The following KIF5C variants were observed in gnomAD, a reference collection of about 807,000 sequenced individuals.
The protein encoded by KIF5C is kinesin heavy chain isoform 5C.
KIF5C carries 18 observed loss-of-function variants against 125.2 expected under a neutral mutation model. That is an observed-to-expected ratio of 0.14 (90% confidence interval 0.10 to 0.21). The LOEUF is 0.21. Ranked by LOEUF, KIF5C falls within the 10% of genes least tolerant of loss-of-function variation. KIF5C has a pLI of 1.00. For synonymous variants in KIF5C, 405 were observed against 434.0 expected, an observed-to-expected ratio of 0.93 and a Z score of 0.83; for missense variants, 780 against 1,183.8, an observed-to-expected ratio of 0.66 and a Z score of 5.01.
intron 11 of KIF5C, among the ~76,000 whole-genome samples, chr2:148,965,319 A>AAG (rs1683024132): frequency 6.6e-6 from 1 of 152,128 alleles, no homozygotes; most frequent in South Asian, 2.1e-4. Context: ...ACAGAGAAAG[A>AAG]AGAGAAGACA....
In KIF5C at chr2:149,005,474, C is replaced by G. The variant is rs1433563370; in HGVS notation, c.2445+10C>G. ...CACCCGAGTTAAAAAAGTGAGTTCT[C>G]TTTGTCTGAATGGGACTGAGAAGAA... is the stretch of plus-strand genomic sequence containing the variant. On this transcript the variant is annotated intron_variant, in intron 22 of 25. Transcript: ENST00000435030. The G allele has an allele frequency of 2.2e-5, 35 of 1,613,088 alleles. No homozygotes were observed. The highest frequency in any genetic ancestry group is 3.0e-5 in the Non-Finnish European group (35 of 1,179,634).
intron 1 of KIF5C, among the ~76,000 whole-genome samples, chr2:148,887,068 G>C (rs1430581004): frequency 6.6e-6 from 1 of 152,126 alleles, no homozygotes; most frequent in Non-Finnish European, 1.5e-5. Flanking sequence ...TGTAATGTAG[G>C]TAGTCAAATT....
At chr2:149,005,523 C>A in intron 22 of KIF5C, 59 bp downstream of exon 22, 2 of 1,591,204 alleles carry the variant, frequency 1.3e-6, no homozygotes, top group South Asian at 2.3e-5. Context: ...AGGGAAGAAT[C>A]ATTTTCAGTT....
rs10577971 is a variant in KIF5C, at chr2:149,024,515, AGTGTGTGTGTGTGTGTGTGTGT to A, written c.*1470_*1491del. 3.9e-5 allele frequency: 5 copies of A among 128,630 alleles called. No homozygotes were observed. The highest frequency in any genetic ancestry group is 2.8e-4 in the South Asian group (1 of 3,592). 8.0% of individuals were successfully genotyped at this position (128,630 alleles called of 1,614,324 possible). A position where few individuals can be genotyped will look rare whatever the true frequency, so the allele number is the denominator to read the frequency against. On this transcript the variant is annotated 3_prime_UTR_variant, in exon 26 of 26. Transcript: ENST00000435030. ...GACTGTGTGGGTCGAAGGTAGCTCAAGTGTGTGTGTGTGTGTGTGTGTGTGTGTGTGTGTGTGTGTGTGTGTA... is the reference window on the plus strand; with the variant it reads ...GACTGTGTGGGTCGAAGGTAGCTCAAGTGTGTGTGTGTGTGTGTGTGTGTA...
chr2:148,898,111 G>A (rs1458602078), intron 1 of KIF5C, among the ~76,000 whole-genome samples: 1 of 151,780 alleles, frequency 6.6e-6, no homozygotes, highest in Non-Finnish European at 1.5e-5. Context: ...ATCACTGTGG[G>A]AAGTCCTGTC....
Position 148,937,407 on chromosome 2 carries a change from T to A in KIF5C, c.396+19T>A. On this transcript the variant is annotated intron_variant, in intron 4 of 25. Transcript: ENST00000435030. ...CATAAAGGTACGTATTACTGATTGG[T>A]CCCCAGAGAAGACACTGGGCCCCAG... 11 of 1,565,796 alleles carry A rather than the reference T, an allele frequency of 7.0e-6. No individual in the cohort carries two copies. Among genetic ancestry groups the A allele is most frequent in the Non-Finnish European group, 9.5e-6 (11 of 1,154,252 alleles).
At chr2:149,013,514 T>C (rs1241646138) in intron 25 of KIF5C, among the ~76,000 whole-genome samples, 1 of 152,082 alleles carries the variant, frequency 6.6e-6, no homozygotes, top group African/African-American at 2.4e-5. Context: ...CAAAGAAAGG[T>C]AATGCTTTTA....
rs544829338 is a variant in KIF5C, at chr2:148,913,717, G to A, written c.127-8420G>A. ...TGTCGAGCGGCAGTTTGACCGGATG[G>A]TACTGCACTGTGCCAGGAAGCCCCA... On this transcript the variant is annotated intron_variant, in intron 1 of 25. Transcript: ENST00000435030. 2.8e-4 allele frequency among the ~76,000 whole-genome samples: 42 copies of A among 152,288 alleles called. No homozygotes were observed. The South Asian group carries it at 7.7e-3, about 28-fold the overall frequency.
intron 15 of KIF5C, 55 bp downstream of exon 15, chr2:148,983,821 CTG>C (rs2105162377): frequency 1.3e-6 from 2 of 1,496,776 alleles, no homozygotes; most frequent in African/African-American, 1.4e-5. Context: ...TTAGTAGGGT[CTG>C]TGCTTTACTC....
At chr2:149,018,564 C>G (rs958921507) in intron 25 of KIF5C, among the ~76,000 whole-genome samples, 1 of 152,182 alleles carries the variant, frequency 6.6e-6, no homozygotes, top group Non-Finnish European at 1.5e-5. Context: ...TATGGTGGCT[C>G]ACGCCTATAA....
chr2:148,985,834 G>C (rs1681368692), intron 15 of KIF5C, among the ~76,000 whole-genome samples: 1 of 152,178 alleles, frequency 6.6e-6, no homozygotes, highest in Non-Finnish European at 1.5e-5. Flanking sequence ...TCCCAGCTTA[G>C]AGTACATGAC....
intron 23 of KIF5C, 117 bp from the exon 24 acceptor site, chr2:149,010,018 C>A: frequency 7.0e-7 from 1 of 1,431,390 alleles, no homozygotes; most frequent in Non-Finnish European, 9.2e-7. Context: ...GTACGGAGTG[C>A]CAAGGACAAC....
intron 25 of KIF5C, among the ~76,000 whole-genome samples, chr2:149,013,629 AC>A (rs1255827394): frequency 6.6e-6 from 1 of 152,146 alleles, no homozygotes; most frequent in African/African-American, 2.4e-5. Context: ...TATAGGCATC[AC>A]CTCATTTGAT....
In KIF5C at chr2:148,962,219, G is replaced by T. The variant is rs550675928; in HGVS notation, c.1117+100G>T. The T allele has an allele frequency of 2.1e-6, 3 of 1,449,594 alleles. No homozygotes were observed. The East Asian group carries it at 7.5e-5, about 36-fold the overall frequency. The allele number at this position is 1,449,594 out of a possible 1,614,324, so 89.8% of individuals were successfully genotyped here. ...CTCTCTCTGTCACTCAGGCTGGAGT[G>T]CAGTGGCGTGATCTTGGCTCACCGC... On this transcript the variant is annotated intron_variant, in intron 11 of 25. Coordinates refer to ENST00000435030, the MANE Select transcript of KIF5C (RefSeq NM_004522.3).
chr2:148,956,001 T>C (rs1682782492), intron 10 of KIF5C, among the ~76,000 whole-genome samples: 1 of 152,206 alleles, frequency 6.6e-6, no homozygotes, highest in Non-Finnish European at 1.5e-5. Context: ...ACGCCAAAGG[T>C]AGGCACTCCT....
intron 7 of KIF5C, among the ~76,000 whole-genome samples, chr2:148,943,500 A>G (rs1003173623): frequency 3.3e-5 from 5 of 152,310 alleles, no homozygotes; most frequent in South Asian, 2.1e-4. Context: ...AGGGAAAAAA[A>G]TCTGGAGGAG....
intron 22 of KIF5C, among the ~76,000 whole-genome samples, chr2:149,006,400 G>A (rs549836473): frequency 2.0e-5 from 3 of 152,304 alleles, no homozygotes; most frequent in Admixed American, 6.5e-5. Flanking sequence ...GGAAGGATCG[G>A]CAGGGAAATA....
At chr2:148,942,435 C>T (rs1422048926) in intron 6 of KIF5C, among the ~76,000 whole-genome samples, 1 of 152,150 alleles carries the variant, frequency 6.6e-6, no homozygotes, top group East Asian at 1.9e-4. Context: ...TACTCAAAAA[C>T]CTAGGAAAAT....
chr2:148,914,761 G>A (rs1681478379), intron 1 of KIF5C, among the ~76,000 whole-genome samples: 1 of 152,236 alleles, frequency 6.6e-6, no homozygotes, highest in African/African-American at 2.4e-5. Context: ...TGTGGGGAGG[G>A]GGAGGGCAAT....
Sources: allele counts gnomAD v4.1 joint callset (sites outside exome capture counted in the v4.1 genomes callset), GRCh38; gene constraint gnomAD v4.1.1; transcripts MANE v1.5; gene names NCBI Gene and HGNC (gene_info 2026-07-23, HGNC 2026-07-21).